Variants in MSI2 observed in about 807,000 individuals in gnomAD.
MSI2 encodes musashi RNA binding protein 2.
A neutral mutation model predicts 45.6 loss-of-function variants in MSI2; 17 were observed. That is an observed-to-expected ratio of 0.37 (90% CI 0.26 to 0.56). The LOEUF (loss-of-function observed/expected upper bound fraction) is 0.56. Ranked by LOEUF, MSI2 falls within the 20% of genes least tolerant of loss-of-function variation. MSI2 has a pLI of 0.77. For missense variants in MSI2, 293 were observed against 444.2 expected (o/e 0.66, Z 3.06); for synonymous variants, 156 against 158.2 (o/e 0.99, Z 0.11).
intron 6 of MSI2, among the ~76,000 whole-genome samples, chr17:57,420,253 G>A (rs1419982896): frequency 6.6e-6 from 1 of 152,178 alleles, no homozygotes; most frequent in Non-Finnish European, 1.5e-5. Flanking sequence ...TGCCAACTTT[G>A]GAATGAATCA....
Position 57,362,745 on chromosome 17 carries a change from GA to G in MSI2, c.313-38625del, listed in dbSNP as rs201729156. On this transcript the variant is annotated intron_variant, in intron 5 of 13. Coordinates refer to ENST00000284073, the MANE Select transcript of MSI2 (RefSeq NM_138962.4). ...GCCACCCCTCTGATATTTTCTACTT[GA>G]AAAAAAAATTCATACTAAAGTGCTT... Among the ~76,000 whole-genome samples the G allele has an allele frequency of 6.2e-3, 935 of 150,510 alleles. 11 individuals are homozygous for G. Among genetic ancestry groups the G allele is most frequent in the Middle Eastern group, 0.058 (17 of 294 alleles).
At chr17:57,618,099 T>TAATAATAATAAA (rs1907907537) in intron 9 of MSI2, 1 of 148,738 alleles carries the variant, frequency 6.7e-6, no homozygotes, top group African/African-American at 2.6e-5. Context: ...ATAATAATAA[T>TAATAATAATAAA]AAACATTAGC....
chr17:57,483,702 G>A (rs555815342), intron 6 of MSI2, among the ~76,000 whole-genome samples: 1 of 152,358 alleles, frequency 6.6e-6, no homozygotes, highest in Non-Finnish European at 1.5e-5. Context: ...TGTGTTGCTG[G>A]TTCTGCAAGT....
intron 11 of MSI2, among the ~76,000 whole-genome samples, chr17:57,656,446 G>A (rs1911595697): frequency 6.6e-6 from 1 of 152,162 alleles, no homozygotes; most frequent in African/African-American, 2.4e-5. Context: ...TCTACTCCTT[G>A]AGTCCTTTGG....
chr17:57,592,086 C>T (rs1032956255), intron 7 of MSI2, among the ~76,000 whole-genome samples: 6 of 151,312 alleles, frequency 4.0e-5, no homozygotes, highest in African/African-American at 7.3e-5. Context: ...GCAGGAGAAT[C>T]GCATGAGCCT....
intron 5 of MSI2, among the ~76,000 whole-genome samples, chr17:57,341,520 A>G (rs553577609): frequency 1.3e-4 from 20 of 152,324 alleles, no homozygotes; most frequent in African/African-American, 4.3e-4. Flanking sequence ...GTGTACGACC[A>G]GGTTCCTATT....
At chr17:57,426,917 C>T (rs192180649) in intron 6 of MSI2, among the ~76,000 whole-genome samples, 68 of 152,366 alleles carry the variant, frequency 4.5e-4, no homozygotes, top group African/African-American at 1.6e-3. Flanking sequence ...TAAATGGAAG[C>T]AAACTCTTTC....
chr17:57,432,326 T>C (rs748325843), intron 6 of MSI2, among the ~76,000 whole-genome samples: 1 of 152,186 alleles, frequency 6.6e-6, no homozygotes, highest in Non-Finnish European at 1.5e-5. Flanking sequence ...TTCCGTGCCT[T>C]GTCCCACTGC....
At chr17:57,429,249 G>T (rs1290728766) in intron 6 of MSI2, among the ~76,000 whole-genome samples, 8 of 152,126 alleles carry the variant, frequency 5.3e-5, no homozygotes, top group Admixed American at 5.2e-4. Context: ...AGGCACTATT[G>T]CTCTAAGGTG....
chr17:57,392,311 A>C (rs1269968989), intron 5 of MSI2, among the ~76,000 whole-genome samples: 1 of 152,098 alleles, frequency 6.6e-6, no homozygotes, highest in East Asian at 1.9e-4. Context: ...GTATTTTTTA[A>C]ATTAGCCTAG....
chr17:57,293,420 G>T (rs1598082333), intron 5 of MSI2, among the ~76,000 whole-genome samples: 1 of 152,170 alleles, frequency 6.6e-6, no homozygotes, highest in Non-Finnish European at 1.5e-5. Flanking sequence ...CGATCCTGAT[G>T]TGGAGAGCTT....
At chr17:57,318,740 G>A (rs2143653752) in intron 5 of MSI2, among the ~76,000 whole-genome samples, 2 of 152,302 alleles carry the variant, frequency 1.3e-5, no homozygotes, top group Admixed American at 1.3e-4. Context: ...TCCGAGGAGT[G>A]CCTTTGTGGC....
Position 57,529,568 on chromosome 17 carries a change from A to AT in MSI2, c.406-106dup, listed in dbSNP as rs2086778436. On this transcript the variant is annotated intron_variant, in intron 6 of 13. Coordinates refer to ENST00000284073, the MANE Select transcript of MSI2 (RefSeq NM_138962.4). The surrounding 1 kb of genome is among the most constrained non-coding windows in gnomAD (Gnocchi z 5.3). ...TTCAAATATTTTTTGATAAGCAACT[A>AT]TTACTTCTGTAATGGAAACTACCCC... is the stretch of plus-strand genomic sequence containing the variant. 1 of 946,702 alleles carries AT rather than the reference A, an allele frequency of 1.1e-6. No individual in the cohort carries two copies. The highest frequency in any genetic ancestry group is 2.5e-5 in the East Asian group (1 of 39,632). 58.6% of individuals were successfully genotyped at this position (946,702 alleles called of 1,614,324 possible).
chr17:57,484,439 G>C (rs2085712200), intron 6 of MSI2, among the ~76,000 whole-genome samples: 1 of 152,174 alleles, frequency 6.6e-6, no homozygotes, highest in Admixed American at 6.5e-5. Flanking sequence ...AGTACTGTCA[G>C]CCTCAACAGC....
At chr17:57,485,928 G>A (rs2085744590) in intron 6 of MSI2, among the ~76,000 whole-genome samples, 2 of 152,160 alleles carry the variant, frequency 1.3e-5, no homozygotes, top group African/African-American at 4.8e-5. Context: ...ACTCTTGCAG[G>A]CCAAGACTGC....
chr17:57,588,581 C>T (rs1400993397), intron 7 of MSI2, among the ~76,000 whole-genome samples: 1 of 152,182 alleles, frequency 6.6e-6, no homozygotes, highest in African/African-American at 2.4e-5. Flanking sequence ...CTGTGTATCT[C>T]TGAAAATCCT....
At chr17:57,296,109 T>C (rs923884295) in intron 5 of MSI2, among the ~76,000 whole-genome samples, 11 of 149,948 alleles carry the variant, frequency 7.3e-5, no homozygotes, top group Non-Finnish European at 1.2e-4. Flanking sequence ...TGTTTGCATA[T>C]AGATATTTCA....
chr17:57,270,249 A>C (rs575707538), intron 5 of MSI2, among the ~76,000 whole-genome samples: 137 of 152,274 alleles, frequency 9.0e-4, no homozygotes, highest in Middle Eastern at 6.8e-3. Context: ...CCTTACAACA[A>C]TCCTTTGAAA....
rs1401224699 is a variant in MSI2 at position 57,474,703 on chromosome 17, T to G, written c.406-54973T>G. Reference sequence around the variant, plus strand: ...GACTTTGTGTACTGTTTTTTTGTTGTTTTTTTGTTTTTGTTTTTGTTTTTG... The same window carrying G: ...GACTTTGTGTACTGTTTTTTTGTTGGTTTTTTGTTTTTGTTTTTGTTTTTG... On this transcript the variant is annotated intron_variant, in intron 6 of 13. Transcript: ENST00000284073. Among the ~76,000 whole-genome samples the G allele has an allele frequency of 3.9e-5, 3 of 77,436 alleles. No homozygotes were observed. The South Asian group carries it at 1.7e-3, about 43-fold the overall frequency. 50.8% of individuals were successfully genotyped at this position (77,436 alleles called of 152,430 possible).
Sources: gnomAD v4.1 joint callset for allele counts (sites outside exome capture counted in the v4.1 genomes callset) on GRCh38, gnomAD v4.1.1 for gene constraint, Gnocchi (gnomAD v3.1) non-coding constraint, MANE v1.5 for transcripts, NCBI Gene and HGNC (gene_info 2026-07-23, HGNC 2026-07-21) for gene names.